FAM168B: variants seen among roughly 807,000 people sequenced by gnomAD.
FAM168B encodes family with sequence similarity 168 member B, also known as myelin-associated neurite-outgrowth inhibitor.
Under a neutral mutation model 21.8 loss-of-function variants are expected in FAM168B, and 19 were observed. The observed-to-expected ratio is 0.87, with a 90% CI of 0.61 to 1.28. The LOEUF (loss-of-function observed/expected upper bound fraction) is 1.28. Among genes scored for constraint, FAM168B ranks in the 50% most tolerant of loss-of-function variants. The pLI, the probability that FAM168B is intolerant of heterozygous loss-of-function variation, is 0.00. For missense variants in FAM168B, 233 were observed against 263.1 expected (o/e 0.89, Z 0.79); for synonymous variants, 126 against 104.8 (o/e 1.20, Z -1.24).
In FAM168B at chr2:131,048,377, CCTGGGAG is replaced by C; in HGVS notation, c.*4081_*4087del. 7.8e-7 allele frequency: 1 copy of C among 1,288,222 alleles called. No homozygotes were observed. The highest frequency in any genetic ancestry group is 1.0e-6 in the Non-Finnish European group (1 of 977,050). The allele number at this position is 1,288,222 out of a possible 1,614,324, so 79.8% of individuals were successfully genotyped here. A position where few individuals can be genotyped will look rare whatever the true frequency, so the allele number is the denominator to read the frequency against. On this transcript the variant is annotated 3_prime_UTR_variant, in exon 7 of 7. Coordinates refer to ENST00000389915, the MANE Select transcript of FAM168B (RefSeq NM_001009993.4). ...AGGAGGAGACACCTGTCATGCCAGT[CCTGGGAG>C]CACACCACCCTTCTGCAGGCCCGGG... is the stretch of plus-strand genomic sequence containing the variant.
chr2:131,051,169 C>G lies in FAM168B; in HGVS notation c.*1296G>C. On this transcript the variant is annotated 3_prime_UTR_variant, in exon 7 of 7. Transcript: ENST00000389915. ...GCTGCAAAAGAGATGGCAGGAGAGG[C>G]TCGCAGACAACAGACACTGGCCTCC... 2.0e-6 allele frequency: 2 copies of G among 985,360 alleles called. No individual in the cohort carries two copies. The highest frequency in any genetic ancestry group is 2.4e-6 in the Non-Finnish European group (2 of 829,950). 61.0% of individuals were successfully genotyped at this position (985,360 alleles called of 1,614,324 possible).
chr2:131,049,287 C>G lies in FAM168B; in HGVS notation c.*3178G>C, dbSNP rs1390317194. 4.1e-6 allele frequency: 4 copies of G among 985,376 alleles called. No individual in the cohort carries two copies. The highest frequency in any genetic ancestry group is 4.8e-6 in the Non-Finnish European group (4 of 830,010). The allele number at this position is 985,376 out of a possible 1,614,324, so 61.0% of individuals were successfully genotyped here. ...TATGCCCAGCTGGGGAAGGGCAAGA[C>G]ACTCACTGACCAGGTGCCCACCCCA... On this transcript the variant is annotated 3_prime_UTR_variant, in exon 7 of 7. Coordinates refer to ENST00000389915, the MANE Select transcript of FAM168B (RefSeq NM_001009993.4).
intron 1 of FAM168B, among the ~76,000 whole-genome samples, chr2:131,087,118 G>GA (rs916560848): frequency 1.3e-5 from 2 of 149,934 alleles, no homozygotes; most frequent in Admixed American, 1.3e-4. Context: ...TCTGAGGGCT[G>GA]AGAGGGGAGA....
chr2:131,073,384 C>T (rs1419746243), intron 2 of FAM168B, among the ~76,000 whole-genome samples: 3 of 152,170 alleles, frequency 2.0e-5, no homozygotes, highest in Non-Finnish European at 2.9e-5. Context: ...TGAGTTACCA[C>T]GCCTTGCCAT....
intron 3 of FAM168B, among the ~76,000 whole-genome samples, chr2:131,063,155 T>C (rs1261137631): frequency 6.6e-6 from 1 of 151,808 alleles, no homozygotes; most frequent in Non-Finnish European, 1.5e-5. Flanking sequence ...TTCTGTGACA[T>C]CTGAAATTTT....
chr2:131,055,578 T>G lies in FAM168B; in HGVS notation c.272A>C (p.Tyr91Ser), dbSNP rs1284082164. ...CTGTGCATACGGGCTCTGCTGGGGGTAGGCACTTCGCACAGGGTACACGGC... is the reference window on the plus strand; with the variant it reads ...CTGTGCATACGGGCTCTGCTGGGGGGAGGCACTTCGCACAGGGTACACGGC... ...QTAVYPVRSAYPQQSPYAQQG... is the reference protein window; with the variant it reads ...QTAVYPVRSASPQQSPYAQQG... Residue 91 changes from tyrosine (Y) to serine (S), a missense_variant, in exon 4 of 7, where the codon TAC becomes TCC. Transcript: ENST00000389915. 6.2e-7 allele frequency: 1 copy of G among 1,604,676 alleles called. No homozygotes were observed.
In FAM168B at chr2:131,048,618, C is replaced by T. The variant is rs1470302901; in HGVS notation, c.*3847G>A. On this transcript the variant is annotated 3_prime_UTR_variant, in exon 7 of 7. Transcript: ENST00000389915. The stretch of plus-strand genomic sequence containing the variant: ...CTTCTGTGTTACTTGGTCAGTTGAG[C>T]CCCTGGAGCCCTCAGGACCTACTGA... 1.9e-6 allele frequency: 2 copies of T among 1,080,432 alleles called. No individual in the cohort carries two copies. Among genetic ancestry groups the T allele is most frequent in the Non-Finnish European group, 2.3e-6 (2 of 883,766 alleles). 66.9% of individuals were successfully genotyped at this position (1,080,432 alleles called of 1,614,324 possible).
intron 1 of FAM168B, among the ~76,000 whole-genome samples, chr2:131,085,151 C>T (rs1693625600): frequency 6.6e-6 from 1 of 152,112 alleles, no homozygotes; most frequent in African/African-American, 2.4e-5. Flanking sequence ...GAACCTAAAA[C>T]TGCTAGACCT....
At chr2:131,059,065 G>A (rs935807366) in intron 3 of FAM168B, among the ~76,000 whole-genome samples, 15 of 152,134 alleles carry the variant, frequency 9.9e-5, no homozygotes, top group African/African-American at 3.6e-4. Flanking sequence ...ATGGTGTGTG[G>A]CGGGCACACA....
chr2:131,059,896 C>T (rs554970170), intron 3 of FAM168B, among the ~76,000 whole-genome samples: 4 of 152,080 alleles, frequency 2.6e-5, no homozygotes, highest in African/African-American at 9.7e-5. Context: ...CAAAATAATA[C>T]AGAGGAAAGT....
chr2:131,052,118 G>C lies in FAM168B; in HGVS notation c.*347C>G. 1.0e-6 allele frequency: 1 copy of C among 985,786 alleles called. No homozygotes were observed. The highest frequency in any genetic ancestry group is 1.2e-6 in the Non-Finnish European group (1 of 829,928). The allele number at this position is 985,786 out of a possible 1,614,324, so 61.1% of individuals were successfully genotyped here. On this transcript the variant is annotated 3_prime_UTR_variant, in exon 7 of 7. Coordinates refer to ENST00000389915, the MANE Select transcript of FAM168B (RefSeq NM_001009993.4). ...TTTGGATTTTGCATATGATGGTTTT[G>C]CATCAGTCACTGCAGGTAGATTGAG...
intron 2 of FAM168B, 140 bp downstream of exon 2, chr2:131,082,437 T>C (rs1693470022): frequency 3.2e-6 from 2 of 618,660 alleles, no homozygotes; most frequent in South Asian, 2.1e-5. Flanking sequence ...GTCCTATCAT[T>C]TGATTTTTCA....
Position 131,048,176 on chromosome 2 carries a change from T to A in FAM168B, c.*4289A>T. Reference sequence around the variant, plus strand: ...AAAAAACGGTATTTAAAAATCATTTTTAAAAAAACAAAAAGGAACCGTTTC... The same window carrying A: ...AAAAAACGGTATTTAAAAATCATTTATAAAAAAACAAAAAGGAACCGTTTC... On this transcript the variant is annotated 3_prime_UTR_variant, in exon 7 of 7. Coordinates refer to ENST00000389915, the MANE Select transcript of FAM168B (RefSeq NM_001009993.4). 8.0e-7 allele frequency: 1 copy of A among 1,250,294 alleles called. No homozygotes were observed. 77.5% of individuals were successfully genotyped at this position (1,250,294 alleles called of 1,614,324 possible). A position where few individuals can be genotyped will look rare whatever the true frequency, so the allele number is the denominator to read the frequency against.
intron 3 of FAM168B, among the ~76,000 whole-genome samples, chr2:131,056,447 G>A (rs1692024396): frequency 3.9e-5 from 6 of 152,160 alleles, no homozygotes; most frequent in Admixed American, 3.9e-4. Context: ...CTGGCACCAA[G>A]AGAGCCGTTC....
rs867949781 is a variant in FAM168B at position 131,088,325 on chromosome 2, G to C, written c.-12+4889C>G. Among the ~76,000 whole-genome samples, 3 of 151,524 alleles carry C rather than the reference G, an allele frequency of 2.0e-5. No individual in the cohort carries two copies. In the South Asian group the frequency reaches 6.2e-4, roughly 31 times the overall value. On this transcript the variant is annotated intron_variant, in intron 1 of 6. Coordinates refer to ENST00000389915, the MANE Select transcript of FAM168B (RefSeq NM_001009993.4). ...ACGCAGGAGTAGGAGGGAATATGCT[G>C]AATGACACCATGAAACAATCAGACA...
Position 131,051,751 on chromosome 2 carries a change from T to A in FAM168B, c.*714A>T. On this transcript the variant is annotated 3_prime_UTR_variant, in exon 7 of 7. Coordinates refer to ENST00000389915, the MANE Select transcript of FAM168B (RefSeq NM_001009993.4). ...CTGGCCACACTACCATAATCTTTCA[T>A]GATGAGCTTTAAGCATGTCCCTGTT... 1.0e-6 allele frequency: 1 copy of A among 985,466 alleles called. No individual in the cohort carries two copies. Among genetic ancestry groups the A allele is most frequent in the African/African-American group, 1.7e-5 (1 of 57,364 alleles). The allele number at this position is 985,466 out of a possible 1,614,324, so 61.0% of individuals were successfully genotyped here.
chr2:131,081,664 GTCTCACTC>G (rs1693441050), intron 2 of FAM168B, among the ~76,000 whole-genome samples: 1 of 152,098 alleles, frequency 6.6e-6, no homozygotes, highest in South Asian at 2.1e-4. Context: ...CTGATAAGAA[GTCTCACTC>G]TCATTCCCTG....
intron 3 of FAM168B, among the ~76,000 whole-genome samples, chr2:131,057,029 T>C (rs960585753): frequency 2.0e-5 from 3 of 152,132 alleles, no homozygotes; most frequent in Admixed American, 6.5e-5. Context: ...GATTAACTTA[T>C]AATATGTAAA....
At chr2:131,087,044 C>A (rs1693739347) in intron 1 of FAM168B, among the ~76,000 whole-genome samples, 1 of 68,956 alleles carries the variant, frequency 1.5e-5, no homozygotes, top group Non-Finnish European at 2.1e-5. Flanking sequence ...CCAGCCTGGG[C>A]GACAGCGAGA....
Sources: gnomAD v4.1 joint callset for allele counts (sites outside exome capture counted in the v4.1 genomes callset) on GRCh38, gnomAD v4.1.1 for gene constraint, MANE v1.5 for transcripts, NCBI Gene and HGNC (gene_info 2026-07-23, HGNC 2026-07-21) for gene names.